Variants in CREB3L2 observed in about 807,000 individuals in gnomAD.
CREB3L2 encodes cyclic AMP-responsive element-binding protein 3-like protein 2.
A neutral mutation model predicts 57.2 loss-of-function variants in CREB3L2; 23 were observed. That is an observed-to-expected ratio of 0.40 (90% CI 0.29 to 0.57). The LOEUF is 0.57. Ranked by LOEUF, CREB3L2 falls within the 20% of genes least tolerant of loss-of-function variation. The pLI is 0.42. For missense variants in CREB3L2, 628 were observed against 634.7 expected (o/e 0.99, Z 0.11); for synonymous variants, 268 against 265.1 (o/e 1.01, Z -0.11).
At position 137,883,313 on chromosome 7, in the gene CREB3L2, C is replaced by T. The variant is rs559662064; in HGVS notation, c.1271-685G>A. 5.3e-5 allele frequency among the ~76,000 whole-genome samples: 8 copies of T among 152,330 alleles called. No homozygotes were observed. The East Asian group carries it at 9.7e-4, about 18-fold the overall frequency. ...ACACCTGCCTGGTGAAGACCACAGA[C>T]GTTTCAAGATGGCAAAATTTTCCCT... On this transcript the variant is annotated intron_variant, in intron 10 of 11. Transcript: ENST00000330387.
At position 137,915,981 on chromosome 7, in the gene CREB3L2, A is replaced by G; in HGVS notation, c.351T>C (p.Ser117=). The change falls in exon 3 of 12, where the codon TCT becomes TCC. Residue 117 remains serine, a synonymous_variant. Coordinates refer to ENST00000330387, the MANE Select transcript of CREB3L2 (RefSeq NM_194071.4). ...DEVESEKWYL[S]TDFPSTSIKT... is the part of the protein sequence containing the mutation. ...TGATGGATGTTGAAGGGAAGTCTGT[A>G]GACAGGTACCATTTCTCACTTTCCA... The G allele has an allele frequency of 6.2e-7, 1 of 1,613,748 alleles. No individual in the cohort carries two copies. Among genetic ancestry groups the G allele is most frequent in the Non-Finnish European group, 8.5e-7 (1 of 1,179,882 alleles).
At chr7:137,928,575 C>A (rs190056603) in intron 1 of CREB3L2, among the ~76,000 whole-genome samples, 162 of 143,120 alleles carry the variant, frequency 1.1e-3, no homozygotes, top group African/African-American at 3.9e-3. Flanking sequence ...CTCCCTCCTC[C>A]GTGGGTTGGG....
At chr7:137,945,214 G>A (rs1349385201) in intron 1 of CREB3L2, among the ~76,000 whole-genome samples, 1 of 152,204 alleles carries the variant, frequency 6.6e-6, no homozygotes, top group Non-Finnish European at 1.5e-5. Flanking sequence ...ACTTTTAATT[G>A]AAAGTAGAAA....
chr7:137,922,386 A>ATGTATATATATATATATATATATATATG (rs1326136428), intron 2 of CREB3L2, among the ~76,000 whole-genome samples: 1 of 14,986 alleles, frequency 6.7e-5, no homozygotes, highest in Non-Finnish European at 1.1e-4. Flanking sequence ...ATATATATGT[A>ATGTATATATATATATATATATATATATG]TATATATATA....
intron 1 of CREB3L2, among the ~76,000 whole-genome samples, chr7:137,951,505 A>G (rs1801097584): frequency 1.3e-5 from 2 of 152,218 alleles, no homozygotes; most frequent in African/African-American, 4.8e-5. Flanking sequence ...AGTATTTGCT[A>G]GTTCAGTGTT....
chr7:137,976,458 G>GT (rs150063322), intron 1 of CREB3L2, among the ~76,000 whole-genome samples: 2 of 152,016 alleles, frequency 1.3e-5, no homozygotes, highest in African/African-American at 2.4e-5. Context: ...GGTTATGTTT[G>GT]TTTTTTTCCC....
chr7:137,941,431 C>T (rs1044746535), intron 1 of CREB3L2, among the ~76,000 whole-genome samples: 1 of 152,190 alleles, frequency 6.6e-6, no homozygotes, highest in Admixed American at 6.5e-5. Flanking sequence ...TTATTGGGAG[C>T]GCAGTAGCCA....
intron 2 of CREB3L2, among the ~76,000 whole-genome samples, chr7:137,926,749 C>T (rs975112659): frequency 6.6e-6 from 1 of 152,016 alleles, no homozygotes; most frequent in African/African-American, 2.4e-5. Context: ...ATGTCATCCT[C>T]CTGTAAAGAA....
At chr7:137,922,968 G>A (rs187675050) in intron 2 of CREB3L2, among the ~76,000 whole-genome samples, 1 of 152,206 alleles carries the variant, frequency 6.6e-6, no homozygotes, top group African/African-American at 2.4e-5. Flanking sequence ...AGTTAAATGT[G>A]TCAGAATCAT....
intron 1 of CREB3L2, among the ~76,000 whole-genome samples, chr7:137,929,631 G>C (rs1174215878): frequency 6.6e-6 from 1 of 151,618 alleles, no homozygotes; most frequent in East Asian, 2.0e-4. Context: ...GGGAGGCCAA[G>C]GTGGGCGGAT....
intron 1 of CREB3L2, among the ~76,000 whole-genome samples, chr7:137,959,273 T>C (rs1175936382): frequency 1.3e-5 from 2 of 152,240 alleles, no homozygotes; most frequent in African/African-American, 4.8e-5. Context: ...CCCAAGAGTC[T>C]TTGGCACTTC....
At chr7:137,922,732 C>T (rs761272539) in intron 2 of CREB3L2, 17 of 416,244 alleles carry the variant, frequency 4.1e-5, no homozygotes, top group Middle Eastern at 3.4e-4. Flanking sequence ...ACAGGGAGGG[C>T]GGACCGTACA....
chr7:137,946,774 C>T (rs796412012), intron 1 of CREB3L2, among the ~76,000 whole-genome samples: 1 of 31,992 alleles, frequency 3.1e-5, no homozygotes, highest in Non-Finnish European at 6.8e-5. Flanking sequence ...GTTTAGTTAT[C>T]TATATAGTTA....
chr7:137,962,624 G>T (rs1172049626), intron 1 of CREB3L2, among the ~76,000 whole-genome samples: 3 of 151,912 alleles, frequency 2.0e-5, no homozygotes, highest in Admixed American at 1.3e-4. Flanking sequence ...CCCTGTGTAA[G>T]CCAGTCAGAG....
At chr7:137,944,491 C>G (rs1235648699) in intron 1 of CREB3L2, among the ~76,000 whole-genome samples, 1 of 152,182 alleles carries the variant, frequency 6.6e-6, no homozygotes, top group Non-Finnish European at 1.5e-5. Flanking sequence ...TTGCAAGCAG[C>G]AAGCACTGAA....
intron 1 of CREB3L2, among the ~76,000 whole-genome samples, chr7:137,976,250 C>T (rs1763035784): frequency 6.6e-6 from 1 of 152,206 alleles, no homozygotes; most frequent in Non-Finnish European, 1.5e-5. Context: ...CAGGCATGTG[C>T]CAAAATCTGC....
At chr7:137,883,393 C>A (rs113540631) in intron 10 of CREB3L2, among the ~76,000 whole-genome samples, 1 of 152,152 alleles carries the variant, frequency 6.6e-6, no homozygotes, top group Non-Finnish European at 1.5e-5. Context: ...CATTTCAAGA[C>A]CCCCAGTGGA....
At chr7:137,884,605 A>G in intron 10 of CREB3L2, 1 of 493,250 alleles carries the variant, frequency 2.0e-6, no homozygotes, top group Non-Finnish European at 3.7e-6. Flanking sequence ...ACATTGCATT[A>G]CATTACTCAT....
At chr7:137,976,074 A>G (rs1007047576) in intron 1 of CREB3L2, among the ~76,000 whole-genome samples, 19 of 152,232 alleles carry the variant, frequency 1.2e-4, no homozygotes, top group South Asian at 4.1e-4. Flanking sequence ...TTTCAAAAAC[A>G]TCTCTTTCTT....
Sources: gnomAD v4.1 joint callset for allele counts (sites outside exome capture counted in the v4.1 genomes callset) on GRCh38, gnomAD v4.1.1 for gene constraint, MANE v1.5 for transcripts, NCBI Gene and HGNC (gene_info 2026-07-23, HGNC 2026-07-21) for gene names.